Variants in TUBGCP2 observed in about 807,000 individuals in gnomAD.
TUBGCP2 encodes gamma-tubulin complex component 2.
In TUBGCP2, 55 loss-of-function variants were observed where a neutral mutation model predicts 92.2. The observed-to-expected ratio is 0.60, with a 90% CI of 0.48 to 0.75. TUBGCP2 has a LOEUF of 0.75. Among genes scored for constraint, TUBGCP2 ranks in the 30% least tolerant of loss-of-function variants. The pLI is 0.00. For missense variants in TUBGCP2, 1,093 were observed against 1,188.9 expected, an observed-to-expected ratio of 0.92 and a Z score of 1.19; for synonymous variants, 533 against 505.2, an observed-to-expected ratio of 1.06 and a Z score of -0.74.
upstream of TUBGCP2, chr10:133,308,955 C>G: frequency 8.1e-7 from 1 of 1,237,414 alleles, no homozygotes; most frequent in Non-Finnish European, 1.0e-6. Flanking sequence ...TGCAGTTGCC[C>G]CCCGCGCTGT....
chr10:133,309,378 C>G (rs1264276370), upstream of TUBGCP2: 1 of 1,610,090 alleles, frequency 6.2e-7, no homozygotes, highest in South Asian at 1.1e-5. Context: ...CCACGGCGCA[C>G]TTTTCCTGCA....
rs1847704046 is a variant in TUBGCP2, at chr10:133,302,800, T to G, written c.142A>C (p.Ser48Arg). The G allele has an allele frequency of 1.9e-6, 3 of 1,612,456 alleles. No homozygotes were observed. Among genetic ancestry groups the G allele is most frequent in the Admixed American group, 3.3e-5 (2 of 60,006 alleles). The change falls in exon 2 of 18, where the codon AGT (serine) becomes CGT (arginine). Residue 48 changes from serine to arginine, a missense_variant. By Grantham distance (110) the Ser-to-Arg change is moderately radical (BLOSUM62 -1). This residue lies in a region of TUBGCP2 where 490 missense variants were observed against 488.5 expected (regional missense o/e 1.00). Coordinates refer to ENST00000252936, the MANE Select transcript of TUBGCP2 (RefSeq NM_006659.4). The stretch of plus-strand genomic sequence containing the variant: ...CCAAGGGCAGTGCTCACCTTGGCAC[T>G]GTGAGCAGAGACAGTGGTAGTGACG... The part of the protein sequence containing the change: ...PYVTTTVSAH[S>R]AKVKIAEFSR...
upstream of TUBGCP2, chr10:133,309,511 C>T (rs777004771): frequency 3.9e-5 from 62 of 1,572,350 alleles, no homozygotes; most frequent in South Asian, 6.7e-4. Context: ...GCGCCGCCTC[C>T]CTGACCGGTG....
chr10:133,309,138 T>C (rs1589841674), upstream of TUBGCP2: 2 of 1,380,524 alleles, frequency 1.4e-6, no homozygotes, highest in East Asian at 2.8e-5. Context: ...TAGGATCCAG[T>C]GGGGCCTACG....
chr10:133,303,623 T>C (rs3008352), intron 1 of TUBGCP2, among the ~76,000 whole-genome samples: 41,197 of 152,114 alleles, frequency 0.27, 7,038 homozygotes, highest in African/African-American at 0.48. Flanking sequence ...TCCCAGCTTC[T>C]ACCGGAGAGG....
chr10:133,290,321 C>T (rs1044089828), intron 8 of TUBGCP2: 17 of 201,462 alleles, frequency 8.4e-5, no homozygotes, highest in African/African-American at 1.6e-4. Flanking sequence ...AGTGAAACCC[C>T]GTCTCTACTA....
Position 133,279,689 on chromosome 10 carries a change from T to G in TUBGCP2, c.*77A>C, listed in dbSNP as rs772934091. ...AACTGCAAAGACAGAACACAGAGCA[T>G]TCGATTTGAAAATTCTGGACCCATT... On this transcript the variant is annotated 3_prime_UTR_variant, in exon 18 of 18. Coordinates refer to ENST00000252936, the MANE Select transcript of TUBGCP2 (RefSeq NM_006659.4). 1 of 1,466,568 alleles carries G rather than the reference T, an allele frequency of 6.8e-7. No homozygotes were observed. The highest frequency in any genetic ancestry group is 9.0e-7 in the Non-Finnish European group (1 of 1,106,542). The allele number at this position is 1,466,568 out of a possible 1,614,324, so 90.8% of individuals were successfully genotyped here.
At position 133,302,650 on chromosome 10, in the gene TUBGCP2, G is replaced by A. The variant is rs376778585; in HGVS notation, c.150+142C>T. On this transcript the variant is annotated intron_variant, in intron 2 of 17. Coordinates refer to ENST00000252936, the MANE Select transcript of TUBGCP2 (RefSeq NM_006659.4). ...TGGGCTCACCCTGCACCCTCACCCA[G>A]GAATGGTGCTCACCCTGTACCACCC... is the stretch of plus-strand genomic sequence containing the variant. 642 of 1,029,926 alleles carry A rather than the reference G, an allele frequency of 6.2e-4. 7 individuals are homozygous for A. The South Asian group carries it at 9.6e-3, about 15-fold the overall frequency. 63.8% of individuals were successfully genotyped at this position (1,029,926 alleles called of 1,614,324 possible).
intron 10 of TUBGCP2, among the ~76,000 whole-genome samples, 192 bp downstream of exon 10, chr10:133,288,648 C>A (rs1047736738): frequency 6.6e-6 from 1 of 152,246 alleles, no homozygotes; most frequent in South Asian, 2.1e-4. Flanking sequence ...GGCCCCTGGA[C>A]AAGGTGACCG....
chr10:133,288,644 T>C (rs1236386822), intron 10 of TUBGCP2, among the ~76,000 whole-genome samples, 196 bp downstream of exon 10: 2 of 152,176 alleles, frequency 1.3e-5, no homozygotes, highest in East Asian at 1.9e-4. Flanking sequence ...CTGGGGCCCC[T>C]GGACAAGGTG....
chr10:133,289,781 G>A (rs2136117943), intron 9 of TUBGCP2, 43 bp downstream of exon 9: 2 of 64,634 alleles, frequency 3.1e-5, no homozygotes, highest in South Asian at 1.7e-4. Context: ...TCTCCAGGCA[G>A]AGCTGTGCTG....
At chr10:133,297,658 G>A (rs1847521320) in intron 5 of TUBGCP2, among the ~76,000 whole-genome samples, 1 of 152,236 alleles carries the variant, frequency 6.6e-6, no homozygotes. Context: ...TGCCGGCTGG[G>A]GAGGGGCCTG....
chr10:133,311,658 G>A (rs1430640013), upstream of TUBGCP2: 16 of 1,427,278 alleles, frequency 1.1e-5, no homozygotes, highest in East Asian at 3.2e-4. Context: ...TCATTTCTGG[G>A]GAACACAGGG....
intron 8 of TUBGCP2, 52 bp from the exon 9 acceptor site, chr10:133,290,021 C>T (rs1317709614): frequency 6.3e-7 from 1 of 1,596,744 alleles, no homozygotes; most frequent in Non-Finnish European, 8.6e-7. Flanking sequence ...GCGCCTGAGG[C>T]AGGCGACACT....
chr10:133,303,878 G>A (rs1752921074), intron 1 of TUBGCP2, among the ~76,000 whole-genome samples: 1 of 152,242 alleles, frequency 6.6e-6, no homozygotes, highest in African/African-American at 2.4e-5. Flanking sequence ...TGAGATCGAA[G>A]GCGTCACAGA....
intron 4 of TUBGCP2, among the ~76,000 whole-genome samples, chr10:133,299,100 T>G (rs957460127): frequency 6.6e-6 from 1 of 151,994 alleles, no homozygotes. Flanking sequence ...TGTCAAAAAT[T>G]GGAGGAGGGA....
intron 2 of TUBGCP2, chr10:133,301,941 C>G (rs1158876046): frequency 6.6e-6 from 1 of 151,518 alleles, no homozygotes; most frequent in Non-Finnish European, 1.5e-5. Flanking sequence ...GTCTTGATCT[C>G]CTGACCTTGT....
intron 11 of TUBGCP2, 93 bp downstream of exon 11, chr10:133,288,036 G>C: frequency 6.9e-7 from 1 of 1,450,562 alleles, no homozygotes; most frequent in South Asian, 1.4e-5. Context: ...ACCGGGACGG[G>C]GAGTGGGGGA....
rs1430722172 is a variant in TUBGCP2 at position 133,291,257 on chromosome 10, CCT to C, written c.1214+1240_1214+1241del. On this transcript the variant is annotated intron_variant, in intron 8 of 17. Transcript: ENST00000252936. ...ACGCGCCCTCCGTGTCCCCCATGTC[CCT>C]CCGTGTCCCCCATGTCCCTCCGTGT... Among the ~76,000 whole-genome samples the C allele has an allele frequency of 5.4e-5, 4 of 73,868 alleles. No homozygotes were observed. In the African/African-American group the frequency reaches 6.2e-4, roughly 11 times the overall value. The allele number at this position is 73,868 out of a possible 152,430, so 48.5% of individuals were successfully genotyped here.
Sources: gnomAD v4.1 joint callset for allele counts (sites outside exome capture counted in the v4.1 genomes callset) on GRCh38, gnomAD v4.1.1 for gene constraint, gnomAD v4.1.1 regional missense constraint, MANE v1.5 for transcripts, NCBI Gene and HGNC (gene_info 2026-07-23, HGNC 2026-07-21) for gene names.